Variants in ADGRB3 observed in about 807,000 individuals in gnomAD.
The protein encoded by ADGRB3 is brain-specific angiogenesis inhibitor 3.
In ADGRB3, 37 loss-of-function variants were observed where a neutral mutation model predicts 193.4. The observed-to-expected ratio is 0.19, with a 90% CI of 0.15 to 0.25. The LOEUF (loss-of-function observed/expected upper bound fraction) is 0.25, where lower values mean the gene tolerates loss of function less well. ADGRB3 is among the 10% of genes least tolerant of loss of function. The pLI is 1.00. For missense variants in ADGRB3, 1,637 were observed against 1,852.9 expected (o/e 0.88, Z 2.14); for synonymous variants, 690 against 644.2 (o/e 1.07, Z -1.08).
chr6:69,107,476 C>T (rs995865299), intron 17 of ADGRB3, among the ~76,000 whole-genome samples: 4 of 152,080 alleles, frequency 2.6e-5, no homozygotes, highest in African/African-American at 9.7e-5. Context: ...TTTTTATATT[C>T]CTTCTTTGAT....
chr6:68,792,731 C>T (rs1417831914), intron 3 of ADGRB3, among the ~76,000 whole-genome samples: 2 of 152,090 alleles, frequency 1.3e-5, no homozygotes, highest in Admixed American at 6.6e-5. Context: ...GTAATTTTGT[C>T]TCTGTTGGGC....
At chr6:69,055,953 C>T (rs1771534659) in intron 15 of ADGRB3, among the ~76,000 whole-genome samples, 1 of 152,080 alleles carries the variant, frequency 6.6e-6, no homozygotes, top group Non-Finnish European at 1.5e-5. Context: ...ACCTCAGCCT[C>T]CCAAGTAGCA....
intron 3 of ADGRB3, among the ~76,000 whole-genome samples, chr6:68,910,602 C>A (rs1369061732): frequency 1.3e-5 from 2 of 152,140 alleles, no homozygotes; most frequent in Non-Finnish European, 2.9e-5. Flanking sequence ...AGGAAGGGAT[C>A]CAGTTTCAGC....
At chr6:68,696,218 G>A (rs923825915) in intron 3 of ADGRB3, among the ~76,000 whole-genome samples, 1 of 151,632 alleles carries the variant, frequency 6.6e-6, no homozygotes, top group Non-Finnish European at 1.5e-5. Context: ...AGTAAATCTT[G>A]GCACTTAAGA....
At chr6:68,854,593 C>G (rs569422954) in intron 3 of ADGRB3, among the ~76,000 whole-genome samples, 9 of 151,938 alleles carry the variant, frequency 5.9e-5, no homozygotes, top group Non-Finnish European at 1.2e-4. Flanking sequence ...TTGGTGCAAA[C>G]AAGTGACCAG....
chr6:69,055,909 C>A (rs1771533772), intron 15 of ADGRB3, among the ~76,000 whole-genome samples: 1 of 152,042 alleles, frequency 6.6e-6, no homozygotes, highest in Non-Finnish European at 1.5e-5. Context: ...CAGCTCACTG[C>A]AACCTCTACC....
chr6:69,113,621 C>T (rs2150326525), intron 17 of ADGRB3, among the ~76,000 whole-genome samples: 1 of 152,016 alleles, frequency 6.6e-6, no homozygotes, highest in Non-Finnish European at 1.5e-5. Flanking sequence ...TAACATATTA[C>T]CTAAGTTCAG....
chr6:68,694,565 C>A (rs1765126751), intron 3 of ADGRB3, among the ~76,000 whole-genome samples: 1 of 151,868 alleles, frequency 6.6e-6, no homozygotes, highest in African/African-American at 2.4e-5. Flanking sequence ...CTGAGATGTC[C>A]ATTATCCCAT....
intron 3 of ADGRB3, among the ~76,000 whole-genome samples, chr6:68,823,923 G>A (rs957915317): frequency 1.4e-5 from 2 of 147,766 alleles, no homozygotes; most frequent in Admixed American, 6.7e-5. Flanking sequence ...ATTCCATTCC[G>A]TTATTTTTTC....
At chr6:69,265,643 C>T (rs1767024171) in intron 20 of ADGRB3, among the ~76,000 whole-genome samples, 1 of 151,980 alleles carries the variant, frequency 6.6e-6, no homozygotes, top group Admixed American at 6.6e-5. Flanking sequence ...TGTAAAAAAT[C>T]CAAAATACTT....
intron 3 of ADGRB3, among the ~76,000 whole-genome samples, chr6:68,771,391 C>T (rs5012699): frequency 0.21 from 25,630 of 122,528 alleles, 2,632 homozygotes; most frequent in African/African-American, 0.31. Context: ...TATATACACA[C>T]ACACACACAC....
At chr6:69,226,993 G>A (rs1242952525) in intron 17 of ADGRB3, among the ~76,000 whole-genome samples, 1 of 152,204 alleles carries the variant, frequency 6.6e-6, no homozygotes, top group African/African-American at 2.4e-5. Flanking sequence ...TTCAGAGGAG[G>A]AGGTAATAGA....
intron 3 of ADGRB3, among the ~76,000 whole-genome samples, chr6:68,807,235 C>CTT (rs771342538): frequency 0.076 from 7,576 of 100,042 alleles, 686 homozygotes; most frequent in African/African-American, 0.14. Context: ...TTTCTTTTTT[C>CTT]TTTTTTTTTT....
intron 17 of ADGRB3, among the ~76,000 whole-genome samples, chr6:69,122,241 G>A (rs1243341506): frequency 1.3e-5 from 2 of 151,716 alleles, no homozygotes; most frequent in South Asian, 2.1e-4. Flanking sequence ...TCGAGGTCAG[G>A]AGCCGGAGAC....
rs542805445 is a variant in ADGRB3 at position 69,188,277 on chromosome 6, G to T, written c.2481-45013G>T. Among the ~76,000 whole-genome samples the T allele has an allele frequency of 8.6e-5, 13 of 152,032 alleles. No individual in the cohort carries two copies. The East Asian group carries it at 2.1e-3, about 25-fold the overall frequency. On this transcript the variant is annotated intron_variant, in intron 17 of 31. Transcript: ENST00000370598. ...TTTTTTTCTGGGAGTTATTATCCAA[G>T]ATATTTTCACTATGTCTCCATCCTG...
intron 3 of ADGRB3, among the ~76,000 whole-genome samples, chr6:68,925,329 C>A (rs1033687166): frequency 2.0e-5 from 3 of 151,920 alleles, no homozygotes; most frequent in Non-Finnish European, 4.4e-5. Context: ...TATTTTCATG[C>A]AAAGTCACTG....
At chr6:68,832,292 G>T (rs1767970339) in intron 3 of ADGRB3, among the ~76,000 whole-genome samples, 1 of 152,022 alleles carries the variant, frequency 6.6e-6, no homozygotes, top group Non-Finnish European at 1.5e-5. Context: ...CCTGAGAAAG[G>T]TATAATGTTG....
At chr6:69,232,269 AT>A (rs5877202) in intron 17 of ADGRB3, 157,528 of 406,684 alleles carry the variant, frequency 0.39, 20,426 homozygotes, top group African/African-American at 0.53. Flanking sequence ...GCTCTATAGC[AT>A]TTTTTTTTTT....
intron 11 of ADGRB3, among the ~76,000 whole-genome samples, chr6:68,997,498 A>C (rs1412164041): frequency 6.7e-6 from 1 of 149,958 alleles, no homozygotes; most frequent in East Asian, 2.0e-4. Context: ...CAAAAAAAAA[A>C]AAAAAAAAAA....
Sources: gnomAD v4.1 joint callset for allele counts (sites outside exome capture counted in the v4.1 genomes callset) on GRCh38, gnomAD v4.1.1 for gene constraint, MANE v1.5 for transcripts, NCBI Gene and HGNC (gene_info 2026-07-23, HGNC 2026-07-21) for gene names.